Variants in DTNA observed in about 807,000 individuals in gnomAD.
DTNA encodes the protein dystrobrevin alpha.
DTNA carries 43 observed loss-of-function variants against 100.7 expected under a neutral mutation model. The observed-to-expected ratio is 0.43, with a 90% CI of 0.33 to 0.55. The LOEUF is 0.55. DTNA is among the 20% of genes least tolerant of loss of function. The pLI is 0.04. For synonymous variants in DTNA, 349 were observed against 347.9 expected (o/e 1.00, Z -0.04); for missense variants, 798 against 953.9 (o/e 0.84, Z 2.15).
At chr18:34,722,537 G>T (rs970694739) in intron 1 of DTNA, among the ~76,000 whole-genome samples, 2 of 151,904 alleles carry the variant, frequency 1.3e-5, no homozygotes, top group Non-Finnish European at 2.9e-5. Context: ...GCTTTATTGT[G>T]ATATAATTGA....
chr18:34,852,721 G>C (rs1218374994), intron 15 of DTNA, among the ~76,000 whole-genome samples: 1 of 152,056 alleles, frequency 6.6e-6, no homozygotes, highest in East Asian at 1.9e-4. Context: ...CTTTGAATTA[G>C]TCATTCCCTC....
intron 2 of DTNA, among the ~76,000 whole-genome samples, chr18:34,761,041 CA>C (rs1397698859): frequency 2.0e-5 from 3 of 152,062 alleles, no homozygotes; most frequent in African/African-American, 7.2e-5. Flanking sequence ...AGGTAGCAAT[CA>C]TTTTTTACCC....
At chr18:34,841,666 T>C (rs1443032599) in intron 13 of DTNA, among the ~76,000 whole-genome samples, 1 of 152,162 alleles carries the variant, frequency 6.6e-6, no homozygotes, top group East Asian at 1.9e-4. Context: ...TTAAAAAATA[T>C]GAGCTTTGAG....
intron 10 of DTNA, among the ~76,000 whole-genome samples, chr18:34,827,924 G>T (rs2095898303): frequency 6.6e-6 from 1 of 152,072 alleles, no homozygotes; most frequent in Non-Finnish European, 1.5e-5. Flanking sequence ...GAATGTGAGG[G>T]TATGTTTCAG....
At chr18:34,603,327 A>T (rs1454179384) in intron 1 of DTNA, among the ~76,000 whole-genome samples, 1 of 152,164 alleles carries the variant, frequency 6.6e-6, no homozygotes, top group Admixed American at 6.5e-5. Flanking sequence ...AGCTCATGTA[A>T]TACTTTTATA....
chr18:34,835,597 C>T (rs1388720509), intron 11 of DTNA, among the ~76,000 whole-genome samples: 1 of 152,078 alleles, frequency 6.6e-6, no homozygotes, highest in Non-Finnish European at 1.5e-5. Context: ...GAGAAGGCCA[C>T]CAAAGGAAAG....
chr18:34,670,861 C>T lies in DTNA; in HGVS notation c.-1-85115C>T, dbSNP rs557568868. ...GGGGATGCCTCCCAGATAGGCTACTCGGGGGTCAGGGACCCACTTGAGGAG... is the reference window on the plus strand; with the variant it reads ...GGGGATGCCTCCCAGATAGGCTACTTGGGGGTCAGGGACCCACTTGAGGAG... On this transcript the variant is annotated intron_variant, in intron 1 of 19. Coordinates refer to the DTNA transcript ENST00000283365. 2.9e-3 allele frequency among the ~76,000 whole-genome samples: 436 copies of T among 152,292 alleles called. 2 individuals carry two copies. The highest frequency in any genetic ancestry group is 4.4e-3 in the Non-Finnish European group (298 of 68,030).
At chr18:34,871,824 G>A (rs944686587) in intron 17 of DTNA, among the ~76,000 whole-genome samples, 2 of 152,222 alleles carry the variant, frequency 1.3e-5, no homozygotes, top group South Asian at 2.1e-4. Context: ...AGGTGGGGCC[G>A]TGATCACCCA....
intron 13 of DTNA, among the ~76,000 whole-genome samples, chr18:34,844,429 C>T (rs1603176624): frequency 6.6e-6 from 1 of 152,018 alleles, no homozygotes; most frequent in African/African-American, 2.4e-5. Context: ...TCCTTTCTAC[C>T]CTGACTCTCT....
At chr18:34,761,685 A>G (rs1170644809) in intron 2 of DTNA, among the ~76,000 whole-genome samples, 1 of 152,248 alleles carries the variant, frequency 6.6e-6, no homozygotes, top group Non-Finnish European at 1.5e-5. Context: ...AGACGGTGCA[A>G]GAGCACTAAG....
intron 1 of DTNA, among the ~76,000 whole-genome samples, chr18:34,659,692 ATCT>A (rs2074913771): frequency 6.6e-6 from 1 of 152,070 alleles, no homozygotes; most frequent in East Asian, 1.9e-4. Flanking sequence ...ACCTATTCTG[ATCT>A]TCTTCTAAAT....
At chr18:34,503,528 C>T (rs1350345151) in intron 1 of DTNA, among the ~76,000 whole-genome samples, 2 of 151,966 alleles carry the variant, frequency 1.3e-5, no homozygotes, top group Non-Finnish European at 2.9e-5. Flanking sequence ...TCGTGATCTG[C>T]CCACCTCAGC....
chr18:34,687,254 T>G (rs901854743), intron 1 of DTNA, among the ~76,000 whole-genome samples: 10 of 152,226 alleles, frequency 6.6e-5, no homozygotes, highest in African/African-American at 9.6e-5. Flanking sequence ...TTTTAGCTCT[T>G]TCCTGCTTTC....
upstream of DTNA, among the ~76,000 whole-genome samples, chr18:34,706,940 C>T (rs2082194194): frequency 6.6e-6 from 1 of 152,136 alleles, no homozygotes; most frequent in African/African-American, 2.4e-5. Flanking sequence ...TTGCTGTCAA[C>T]ACACTTTCTT....
At chr18:34,581,746 C>A (rs9965118) in intron 1 of DTNA, among the ~76,000 whole-genome samples, 15,534 of 151,486 alleles carry the variant, frequency 0.1, 1,157 homozygotes, top group African/African-American at 0.2. Flanking sequence ...GCCTCAGCCA[C>A]CCAAGTAGCT....
chr18:34,806,443 G>T, intron 5 of DTNA, 139 bp downstream of exon 5: 3 of 751,250 alleles, frequency 4.0e-6, no homozygotes, highest in Middle Eastern at 4.6e-4. Context: ...ATTTTTCACT[G>T]ATGTTTGGAT....
At chr18:34,600,815 C>T (rs1031244986) in intron 1 of DTNA, among the ~76,000 whole-genome samples, 1 of 152,222 alleles carries the variant, frequency 6.6e-6, no homozygotes, top group Admixed American at 6.5e-5. Flanking sequence ...CTCTCAATTT[C>T]AGTGACATAT....
chr18:34,747,104 C>CTATATATATATATATA (rs35537934), intron 1 of DTNA, among the ~76,000 whole-genome samples: 72 of 148,306 alleles, frequency 4.9e-4, no homozygotes, highest in Middle Eastern at 6.9e-3. Context: ...ATATCTGTAT[C>CTATATATATATATATA]TATATATATA....
intron 10 of DTNA, among the ~76,000 whole-genome samples, chr18:34,827,890 G>C (rs1027261692): frequency 1.3e-5 from 2 of 152,090 alleles, no homozygotes; most frequent in Non-Finnish European, 2.9e-5. Flanking sequence ...CTGGAAACCT[G>C]CATTTATAAT....
Sources: allele counts gnomAD v4.1 joint callset (sites outside exome capture counted in the v4.1 genomes callset), GRCh38; gene constraint gnomAD v4.1.1; transcripts MANE v1.5; gene names NCBI Gene and HGNC (gene_info 2026-07-23, HGNC 2026-07-21).